DUSP15: variants seen among roughly 807,000 people sequenced by gnomAD.
DUSP15 encodes the protein dual specificity protein phosphatase 15.
DUSP15 carries 23 observed loss-of-function variants against 26.3 expected under a neutral mutation model. That is an observed-to-expected ratio of 0.87 (90% CI 0.63 to 1.24). DUSP15 has a LOEUF of 1.24. Ranked by LOEUF, DUSP15 falls within the 50% of genes most tolerant of loss-of-function variation. The pLI is 0.00. For synonymous variants in DUSP15, 143 were observed against 135.5 expected, an observed-to-expected ratio of 1.06 and a Z score of -0.39; for missense variants, 364 against 320.6, an observed-to-expected ratio of 1.14 and a Z score of -1.03.
chr20:31,865,683 G>A (rs1410295298), intron 3 of DUSP15, among the ~76,000 whole-genome samples: 1 of 152,174 alleles, frequency 6.6e-6, no homozygotes, highest in African/African-American at 2.4e-5. Flanking sequence ...GTTCTCATTT[G>A]TCCATGGCTT....
At chr20:31,846,293 GACACACAC>G (rs71336552), downstream of DUSP15, among the ~76,000 whole-genome samples, 9 of 141,114 alleles carry the variant, frequency 6.4e-5, no homozygotes, top group African/African-American at 2.3e-4. Flanking sequence ...CACAGACACA[GACACACAC>G]ACACACACAC....
intron 5 of DUSP15, among the ~76,000 whole-genome samples, chr20:31,863,085 G>C (rs1240218084): frequency 7.2e-6 from 1 of 137,998 alleles, no homozygotes; most frequent in Non-Finnish European, 1.6e-5. Context: ...TGGGGGGGGG[G>C]GACAGACGTT....
At chr20:31,867,639 T>G (rs925120328) in intron 2 of DUSP15, among the ~76,000 whole-genome samples, 8 of 41,530 alleles carry the variant, frequency 1.9e-4, no homozygotes, top group African/African-American at 8.0e-4. Flanking sequence ...ATGTTTTTTT[T>G]TTTTTTTTTT....
At chr20:31,862,058 CTT>C (rs1272095260) in intron 6 of DUSP15, among the ~76,000 whole-genome samples, 2 of 152,172 alleles carry the variant, frequency 1.3e-5, no homozygotes, top group African/African-American at 4.8e-5. Context: ...TTGCCCGACT[CTT>C]TCCCAACGCC....
At chr20:31,865,360 G>C (rs1210086323) in intron 3 of DUSP15, among the ~76,000 whole-genome samples, 2 of 152,172 alleles carry the variant, frequency 1.3e-5, no homozygotes, top group Non-Finnish European at 2.9e-5. Context: ...AAAAAAGGTA[G>C]AGCAGATTTG....
rs2062888276 is a variant in DUSP15, at chr20:31,870,099, G to C, written c.21+218C>G. On this transcript the variant is annotated intron_variant, in intron 1 of 6. Transcript: ENST00000339738. The surrounding 1 kb of genome is among the most constrained non-coding windows in gnomAD (Gnocchi z 6.6). ...ACAGCAAGACAGCGAGAGACACACA[G>C]AGTCACGGAGAGAGGGCGGACACAG... 8.8e-6 allele frequency: 11 copies of C among 1,248,246 alleles called. No individual in the cohort carries two copies. The highest frequency in any genetic ancestry group is 1.0e-5 in the Non-Finnish European group (10 of 996,398). 77.3% of individuals were successfully genotyped at this position (1,248,246 alleles called of 1,614,324 possible). A position where few individuals can be genotyped will look rare whatever the true frequency, so the allele number is the denominator to read the frequency against.
chr20:31,861,329 G>T lies in DUSP15; in HGVS notation c.*74C>A. 1 of 1,419,466 alleles carries T rather than the reference G, an allele frequency of 7.0e-7. No homozygotes were observed. Among genetic ancestry groups the T allele is most frequent in the South Asian group, 1.5e-5 (1 of 67,458 alleles). 87.9% of individuals were successfully genotyped at this position (1,419,466 alleles called of 1,614,324 possible). On this transcript the variant is annotated 3_prime_UTR_variant, in exon 7 of 7. Transcript: ENST00000339738. ...CTCCCCCAGCCTCTGGGCCCGTCCT[G>T]GGGGGCGTGGAAGGCGCAGACAGCC...
rs772389130 is a variant in DUSP15 at position 31,864,987 on chromosome 20, G to A, written c.154C>T (p.Arg52Cys). ...QPLLQDITYL[R>C]IPVADTPEVP... ...TCAGGGGTATCAGCGACCGGGATGC[G>A]AAGGTAGGTGATATCCTGCAAGTAC... The change falls in exon 4 of 7, where the codon CGC (arginine) becomes TGC (cysteine). Residue 52 changes from arginine (R) to cysteine (C), a missense_variant. By Grantham distance (180) the Arg-to-Cys change is radical. Transcript: ENST00000339738. 2.4e-5 allele frequency: 39 copies of A among 1,613,920 alleles called. 1 individual carries two copies. Among genetic ancestry groups the A allele is most frequent in the South Asian group, 1.2e-4 (11 of 91,060 alleles).
chr20:31,859,819 A>C (rs2062616083), downstream of DUSP15, among the ~76,000 whole-genome samples: 2 of 152,124 alleles, frequency 1.3e-5, no homozygotes, highest in South Asian at 4.1e-4. Flanking sequence ...GTCTGGCAGC[A>C]CCATTAACCA....
intron 2 of DUSP15, 134 bp downstream of exon 2, chr20:31,869,429 TC>T: frequency 1.6e-6 from 2 of 1,226,206 alleles, no homozygotes; most frequent in Non-Finnish European, 1.2e-6. Flanking sequence ...ATCAGCCTTT[TC>T]CCCCTCCCAG....
In DUSP15 at chr20:31,867,058, G is replaced by C; in HGVS notation, c.138+13C>G. The C allele has an allele frequency of 6.4e-7, 1 of 1,571,460 alleles. No homozygotes were observed. The highest frequency in any genetic ancestry group is 8.6e-7 in the Non-Finnish European group (1 of 1,157,106). ...CCACCCCCGCATAGCCCTGGGATGG[G>C]GGTAAGAAGTACCTGCAGCAGAGGC... On this transcript the variant is annotated intron_variant, in intron 3 of 6. Coordinates refer to ENST00000339738, the MANE Select transcript of DUSP15 (RefSeq NM_080611.5).
exon 8 of DUSP15, chr20:31,849,803 C>G (rs751698740): frequency 1.3e-6 from 2 of 1,535,416 alleles, no homozygotes; most frequent in Non-Finnish European, 1.7e-6. Context: ...CAGACGACAG[C>G]GCTGGGCTGT....
Position 31,864,945 on chromosome 20 carries a change from G to A in DUSP15, c.188+8C>T, listed in dbSNP as rs145376079. The A allele has an allele frequency of 7.0e-3, 11,225 of 1,613,936 alleles. 63 individuals are homozygous for A. Among genetic ancestry groups the A allele is most frequent in the Middle Eastern group, 0.045 (271 of 6,060 alleles). On this transcript the variant is annotated splice_region_variant and intron_variant, in intron 4 of 6. Transcript: ENST00000339738. ...TGTCCATCTATGGGTCCATCCAGGG[G>A]AACTTACATGGGTACCTCAGGGGTA...
At chr20:31,846,029 C>T (rs1248656415), downstream of DUSP15, among the ~76,000 whole-genome samples, 1 of 152,030 alleles carries the variant, frequency 6.6e-6, no homozygotes, top group African/African-American at 2.4e-5. Flanking sequence ...CAGAGACACC[C>T]AGAGCCTCTC....
chr20:31,850,786 C>T (rs894048825), intron 6 of DUSP15: 24 of 1,155,080 alleles, frequency 2.1e-5, no homozygotes, highest in Admixed American at 4.0e-5. Flanking sequence ...CCAGTCCTTA[C>T]TGTGGTCAAC....
At chr20:31,856,548 G>A (rs2062565965), downstream of DUSP15, among the ~76,000 whole-genome samples, 1 of 152,178 alleles carries the variant, frequency 6.6e-6, no homozygotes, top group East Asian at 1.9e-4. Context: ...ATTCTGCAGG[G>A]AGAGCCAGCA....
At chr20:31,849,035 T>C (rs1275245564) in intron 8 of DUSP15, 2 of 716,028 alleles carry the variant, frequency 2.8e-6, no homozygotes, top group Non-Finnish European at 4.7e-6. Flanking sequence ...ATTGTGTGCC[T>C]GTACCCTAGG....
Position 31,861,583 on chromosome 20 carries a change from C to T in DUSP15, c.528G>A (p.Arg176=), listed in dbSNP as rs1277649591. The T allele has an allele frequency of 5.3e-6, 8 of 1,496,990 alleles. No homozygotes were observed. The highest frequency in any genetic ancestry group is 1.3e-5 in the South Asian group (1 of 79,968). The allele number at this position is 1,496,990 out of a possible 1,614,324, so 92.7% of individuals were successfully genotyped here. ...AGGAGGCCGAGGTCGCGGAGCCCTG[C>T]CGGCAGCGCTTGCACAGCGGCAGCA... is the stretch of plus-strand genomic sequence containing the variant. ...RALLPLCKRC[R]QGSATSASSA... Residue 176 remains arginine, a synonymous_variant, in exon 7 of 7, where the codon CGG becomes CGA. Transcript: ENST00000339738.
downstream of DUSP15, among the ~76,000 whole-genome samples, chr20:31,846,596 TCTC>T (rs1425641207): frequency 6.6e-6 from 1 of 152,028 alleles, no homozygotes; most frequent in East Asian, 1.9e-4. Flanking sequence ...TCTACTGCCT[TCTC>T]CTGCGGTGCA....
Sources: allele counts gnomAD v4.1 joint callset (sites outside exome capture counted in the v4.1 genomes callset), GRCh38; gene constraint gnomAD v4.1.1; non-coding constraint Gnocchi (gnomAD v3.1); transcripts MANE v1.5; gene names NCBI Gene and HGNC (gene_info 2026-07-23, HGNC 2026-07-21).